SGK1: variants seen among roughly 807,000 people sequenced by gnomAD.
SGK1 encodes the protein serum/glucocorticoid regulated kinase 1, also known as serine/threonine-protein kinase Sgk1.
Under a neutral mutation model 64.2 loss-of-function variants are expected in SGK1, and 26 were observed. The observed-to-expected ratio is 0.40, with a 90% CI of 0.30 to 0.56. SGK1 has a LOEUF of 0.56. Ranked by LOEUF, SGK1 falls within the 20% of genes least tolerant of loss-of-function variation. SGK1 has a pLI of 0.38. For synonymous variants in SGK1, 265 were observed against 239.7 expected (o/e 1.11, Z -0.98); for missense variants, 519 against 645.6 (o/e 0.80, Z 2.12).
At position 134,264,293 on chromosome 6, in the gene SGK1, G is replaced by T. The variant is rs553462984; in HGVS notation, c.70-2145C>A. 4.7e-4 allele frequency among the ~76,000 whole-genome samples: 72 copies of T among 151,612 alleles called. 1 individual carries two copies. The highest frequency in any genetic ancestry group is 1.7e-3 in the African/African-American group (71 of 41,352). On this transcript the variant is annotated intron_variant, in intron 1 of 13. Transcript: ENST00000367858. Reference sequence around the variant, plus strand: ...TGCCACCATGCCTGGCTAATTTTTTGTATTTTTAGTAGAGACCGGGTTTCA... The same window carrying T: ...TGCCACCATGCCTGGCTAATTTTTTTTATTTTTAGTAGAGACCGGGTTTCA...
chr6:134,298,223 G>T, intron 1 of SGK1: 1 of 1,567,948 alleles, frequency 6.4e-7, no homozygotes, highest in Non-Finnish European at 8.7e-7. Flanking sequence ...TCCAGCTTCA[G>T]CTTCTCCTGG....
chr6:134,263,044 T>A (rs1173642944), intron 1 of SGK1, among the ~76,000 whole-genome samples: 1 of 152,164 alleles, frequency 6.6e-6, no homozygotes, highest in African/African-American at 2.4e-5. Flanking sequence ...TTTTACAATG[T>A]TCAAGTACTT....
At chr6:134,225,943 C>CAA (rs569538110) in intron 2 of SGK1, among the ~76,000 whole-genome samples, 1 of 149,366 alleles carries the variant, frequency 6.7e-6, no homozygotes, top group African/African-American at 2.4e-5. Flanking sequence ...CAAAAAAAAA[C>CAA]AAAAAAACAC....
At chr6:134,232,421 A>AAGAG (rs762251415) in intron 2 of SGK1, among the ~76,000 whole-genome samples, 1,815 of 44,500 alleles carry the variant, frequency 0.041, 248 homozygotes, top group East Asian at 0.15. Flanking sequence ...AAGAGAAAGA[A>AAGAG]AGAAAGAAAG....
At chr6:134,237,528 T>A (rs2114721030) in intron 2 of SGK1, among the ~76,000 whole-genome samples, 1 of 151,974 alleles carries the variant, frequency 6.6e-6, no homozygotes, top group Non-Finnish European at 1.5e-5. Context: ...ATACAAAAAA[T>A]TAGCCAGGCG....
intron 3 of SGK1, among the ~76,000 whole-genome samples, chr6:134,181,852 G>GT (rs933161871): frequency 2.0e-5 from 3 of 151,930 alleles, no homozygotes; most frequent in African/African-American, 7.2e-5. Context: ...CTACCTGTGA[G>GT]TTTTTTTTGT....
At chr6:134,194,770 G>A (rs887353033) in intron 3 of SGK1, among the ~76,000 whole-genome samples, 22 of 152,078 alleles carry the variant, frequency 1.4e-4, no homozygotes, top group Non-Finnish European at 1.3e-4. Context: ...TGATGCGCCC[G>A]CCTCGGCCTC....
chr6:134,196,558 C>T (rs1468431653), intron 3 of SGK1, among the ~76,000 whole-genome samples: 1 of 152,104 alleles, frequency 6.6e-6, no homozygotes, highest in Admixed American at 6.5e-5. Context: ...ACTCAGAAGG[C>T]CTGACTCAAG....
Position 134,175,021 on chromosome 6 carries a change from C to T in SGK1, c.362-435G>A, listed in dbSNP as rs1333662659. On this transcript the variant is annotated intron_variant, in intron 3 of 13. Coordinates refer to ENST00000367858, the MANE Select transcript of SGK1 (RefSeq NM_001143676.3). ...GCTACGCTGCCTGCGGCGGGCGGTT[C>T]TGTCCCCATTGAGAGGGCGAGCCCC... 6.2e-6 allele frequency: 6 copies of T among 961,360 alleles called. No individual in the cohort carries two copies. The African/African-American group carries it at 1.0e-4, about 17-fold the overall frequency. The allele number at this position is 961,360 out of a possible 1,614,324, so 59.6% of individuals were successfully genotyped here.
rs947689580 is a variant in SGK1, at chr6:134,232,473, A to G, written c.286-25042T>C. 3.1e-5 allele frequency among the ~76,000 whole-genome samples: 3 copies of G among 96,190 alleles called. 1 individual carries two copies. Among genetic ancestry groups the G allele is most frequent in the African/African-American group, 1.0e-4 (2 of 19,420 alleles). The allele number at this position is 96,190 out of a possible 152,430, so 63.1% of individuals were successfully genotyped here. The stretch of plus-strand genomic sequence containing the variant: ...AAAGAAAGAAAGAAAGAAAGAAAGA[A>G]AGAAAGAAAGAGAAAGAAAAAGAAA... On this transcript the variant is annotated intron_variant, in intron 2 of 13. Transcript: ENST00000367858.
rs768285500 is a variant in SGK1 at position 134,221,070 on chromosome 6, G to A, written c.286-13639C>T. Among the ~76,000 whole-genome samples, 37 of 151,778 alleles carry A rather than the reference G, an allele frequency of 2.4e-4. 1 individual carries two copies. The highest frequency in any genetic ancestry group is 5.3e-4 in the Admixed American group (8 of 15,210). ...TGTAATCCCAGCACTTTGGGAGGCC[G>A]AGGCAGGCAGATCATCTGAGGTCAA... On this transcript the variant is annotated intron_variant, in intron 2 of 13. Coordinates refer to ENST00000367858, the MANE Select transcript of SGK1 (RefSeq NM_001143676.3).
intron 2 of SGK1, among the ~76,000 whole-genome samples, chr6:134,221,287 G>C (rs941788939): frequency 6.6e-6 from 1 of 152,176 alleles, no homozygotes; most frequent in Non-Finnish European, 1.5e-5. Flanking sequence ...CTGGGTGTCC[G>C]AGTGAGACTC....
intron 2 of SGK1, among the ~76,000 whole-genome samples, chr6:134,228,084 T>C (rs1284817213): frequency 6.6e-6 from 1 of 151,208 alleles, no homozygotes; most frequent in Non-Finnish European, 1.5e-5. Context: ...GCCTCCCGAG[T>C]AGCTGGGATT....
intron 3 of SGK1, among the ~76,000 whole-genome samples, chr6:134,195,428 C>A (rs1222348100): frequency 2.6e-5 from 4 of 152,156 alleles, no homozygotes; most frequent in African/African-American, 7.2e-5. Context: ...CTGTGTTGAG[C>A]TAAACTGAGC....
At chr6:134,296,694 T>C (rs115775486) in intron 1 of SGK1, among the ~76,000 whole-genome samples, 1,645 of 149,178 alleles carry the variant, frequency 0.011, 14 homozygotes, top group South Asian at 0.018. Flanking sequence ...ATAATTATTG[T>C]AGAAATTAGT....
At chr6:134,221,457 C>T (rs922881872) in intron 2 of SGK1, among the ~76,000 whole-genome samples, 2 of 152,162 alleles carry the variant, frequency 1.3e-5, no homozygotes, top group Non-Finnish European at 2.9e-5. Context: ...GTTCTCATCT[C>T]CTTCAGGTAT....
chr6:134,248,323 T>C (rs1256629918), intron 2 of SGK1, among the ~76,000 whole-genome samples: 1 of 152,062 alleles, frequency 6.6e-6, no homozygotes, highest in Non-Finnish European at 1.5e-5. Flanking sequence ...CAGTCTTTAA[T>C]GCTAGCAAAA....
intron 3 of SGK1, among the ~76,000 whole-genome samples, chr6:134,184,559 C>T (rs1775392137): frequency 6.6e-6 from 1 of 150,818 alleles, no homozygotes; most frequent in African/African-American, 2.4e-5. Flanking sequence ...CAAAAGTAGC[C>T]AGCAGCTGAC....
intron 3 of SGK1, among the ~76,000 whole-genome samples, chr6:134,206,338 GATAT>G (rs71003676): frequency 3.3e-3 from 107 of 32,506 alleles, no homozygotes; most frequent in South Asian, 4.8e-3. Context: ...TGTACCTGAT[GATAT>G]ATATATATAT....
Sources: gnomAD v4.1 joint callset for allele counts (sites outside exome capture counted in the v4.1 genomes callset) on GRCh38, gnomAD v4.1.1 for gene constraint, MANE v1.5 for transcripts, NCBI Gene and HGNC (gene_info 2026-07-23, HGNC 2026-07-21) for gene names.